Variants in CABLES1 observed in about 807,000 individuals in gnomAD.
CABLES1 encodes CDK5 and ABL1 enzyme substrate 1.
In CABLES1, 36 loss-of-function variants were observed where a neutral mutation model predicts 57.8. The ratio of observed to expected loss-of-function variants is 0.62; its 90% confidence interval spans 0.48 to 0.82. CABLES1 has a LOEUF of 0.82. CABLES1 is among the 40% of genes least tolerant of loss of function. The pLI, the probability that CABLES1 is intolerant of heterozygous loss-of-function variation, is 0.00. For missense variants in CABLES1, 767 were observed against 836.6 expected (o/e 0.92, Z 1.03); for synonymous variants, 374 against 363.0 (o/e 1.03, Z -0.35).
intron 1 of CABLES1, among the ~76,000 whole-genome samples, chr18:23,183,768 T>C (rs887947666): frequency 6.6e-6 from 1 of 152,242 alleles, no homozygotes; most frequent in Non-Finnish European, 1.5e-5. Context: ...GTCATTAAAA[T>C]ATGCAAAGAC....
rs950003328 is a variant in CABLES1 at position 23,258,967 on chromosome 18, A to C, written c.*1600A>C. Reference sequence around the variant, plus strand: ...ATTTTGCTAACAAATTTCCTTGGCCAGAATCAGTTGTAAGACAGTGATTTG... The same window carrying C: ...ATTTTGCTAACAAATTTCCTTGGCCCGAATCAGTTGTAAGACAGTGATTTG... On this transcript the variant is annotated 3_prime_UTR_variant, in exon 10 of 10. Transcript: ENST00000256925. The C allele has an allele frequency of 1.3e-5, 2 of 148,928 alleles. No homozygotes were observed. The highest frequency in any genetic ancestry group is 2.5e-5 in the African/African-American group (1 of 40,226). The allele number at this position is 148,928 out of a possible 1,614,324, so 9.2% of individuals were successfully genotyped here. A position where few individuals can be genotyped will look rare whatever the true frequency, so the allele number is the denominator to read the frequency against.
At chr18:23,255,504 C>G (rs759397641) in intron 9 of CABLES1, among the ~76,000 whole-genome samples, 2 of 151,882 alleles carry the variant, frequency 1.3e-5, no homozygotes, top group Admixed American at 6.6e-5. Context: ...CCATTGGACA[C>G]CAACTCTGAG....
At chr18:23,160,063 A>G (rs939778381) in intron 1 of CABLES1, among the ~76,000 whole-genome samples, 1 of 146,750 alleles carries the variant, frequency 6.8e-6, no homozygotes, top group Non-Finnish European at 1.5e-5. Flanking sequence ...TTTGAGATGG[A>G]GTTTCACTCT....
At chr18:23,139,419 A>AAAC (rs1162897454) in intron 1 of CABLES1, among the ~76,000 whole-genome samples, 1 of 151,864 alleles carries the variant, frequency 6.6e-6, no homozygotes, top group Non-Finnish European at 1.5e-5. Flanking sequence ...AAAAAAAAAA[A>AAAC]AAAAATTAGA....
intron 7 of CABLES1, among the ~76,000 whole-genome samples, chr18:23,251,709 G>T (rs998137035): frequency 1.3e-5 from 2 of 152,158 alleles, no homozygotes; most frequent in Non-Finnish European, 2.9e-5. Flanking sequence ...AGACTTACTG[G>T]TTACCATTAT....
At chr18:23,235,315 TG>T in intron 5 of CABLES1, among the ~76,000 whole-genome samples, 1 of 152,370 alleles carries the variant, frequency 6.6e-6, no homozygotes, top group Middle Eastern at 3.4e-3. Flanking sequence ...TGTTTGCCGA[TG>T]AGGCTGCTGG....
rs28376052 is a variant in CABLES1, at chr18:23,140,920, C to A, written c.845+4313C>A. Among the ~76,000 whole-genome samples the A allele has an allele frequency of 7.7e-3, 1,167 of 152,262 alleles. 11 individuals are homozygous for A. The highest frequency in any genetic ancestry group is 0.027 in the African/African-American group (1,126 of 41,536). On this transcript the variant is annotated intron_variant, in intron 1 of 9. Transcript: ENST00000256925. ...TTCTGGGTCTGTTTCCTCCTGAGAACCTTGGCTTGTGTCTCAGGCCCTTTC... is the reference window on the plus strand; with the variant it reads ...TTCTGGGTCTGTTTCCTCCTGAGAAACTTGGCTTGTGTCTCAGGCCCTTTC...
chr18:23,257,644 G>A lies in CABLES1; in HGVS notation c.*277G>A, dbSNP rs1031409098. 1 of 323,900 alleles carries A rather than the reference G, an allele frequency of 3.1e-6. No homozygotes were observed. Among genetic ancestry groups the A allele is most frequent in the Non-Finnish European group, 5.5e-6 (1 of 181,512 alleles). The allele number at this position is 323,900 out of a possible 1,614,324, so 20.1% of individuals were successfully genotyped here. On this transcript the variant is annotated 3_prime_UTR_variant, in exon 10 of 10. Coordinates refer to ENST00000256925, the MANE Select transcript of CABLES1 (RefSeq NM_001100619.3). ...TGTCCACTAGCGAGAATCCCTAGCT[G>A]CCCCAGCCCAGTCTTTCTCCCCGGC...
chr18:23,219,369 TG>T (rs2145061083), intron 4 of CABLES1: 1 of 453,754 alleles, frequency 2.2e-6, no homozygotes, highest in East Asian at 6.9e-5. Flanking sequence ...TGAATTCAGA[TG>T]GCAGGATCCG....
At chr18:23,170,760 G>A (rs1002993994) in intron 1 of CABLES1, among the ~76,000 whole-genome samples, 2 of 152,168 alleles carry the variant, frequency 1.3e-5, no homozygotes, top group Non-Finnish European at 2.9e-5. Flanking sequence ...TTCCCACAGT[G>A]TTGGCTGCAA....
rs189573200 is a variant in CABLES1 at position 23,188,138 on chromosome 18, G to A, written c.846-700G>A. 5.3e-5 allele frequency among the ~76,000 whole-genome samples: 8 copies of A among 152,268 alleles called. No homozygotes were observed. The East Asian group carries it at 5.8e-4, about 11-fold the overall frequency. On this transcript the variant is annotated intron_variant, in intron 1 of 9. Transcript: ENST00000256925. ...CTGCTCCCTGTACCTGATATTCTTA[G>A]TTAACTAGGACCTGTTCTTATTTCA... is the stretch of plus-strand genomic sequence containing the variant.
intron 7 of CABLES1, among the ~76,000 whole-genome samples, chr18:23,250,687 T>C (rs540828992): frequency 6.6e-6 from 1 of 152,236 alleles, no homozygotes; most frequent in South Asian, 2.1e-4. Flanking sequence ...TTGCAGGGCA[T>C]GTGGTTAGCC....
intron 1 of CABLES1, among the ~76,000 whole-genome samples, chr18:23,144,057 C>T (rs1006630083): frequency 6.6e-6 from 1 of 152,222 alleles, no homozygotes; most frequent in East Asian, 1.9e-4. Context: ...TCAGGCTTCT[C>T]CTGGGGCAAG....
intron 1 of CABLES1, among the ~76,000 whole-genome samples, chr18:23,187,448 A>G (rs4800456): frequency 0.99 from 150,613 of 152,152 alleles, 74,606 homozygotes; most frequent in Middle Eastern, 1. Context: ...GTCCAGTGGC[A>G]CGATCTCAGC....
rs1169672392 is a variant in CABLES1, at chr18:23,136,020, C to T, written c.258C>T (p.Gly86=). Residue 86 remains glycine, a synonymous_variant, in exon 1 of 10, where the codon GGC becomes GGT. Coordinates refer to ENST00000256925, the MANE Select transcript of CABLES1 (RefSeq NM_001100619.3). ...TGCCGCCGCAGGACGCGGAGTGGGG[C>T]GGTGGCGAGGAGGGCGGCGCGGCCA... ...GRLPPQDAEW[G]GGEEGGAAKP... The T allele has an allele frequency of 8.8e-7, 1 of 1,139,396 alleles. No individual in the cohort carries two copies. The highest frequency in any genetic ancestry group is 1.6e-5 in the African/African-American group (1 of 61,088). The allele number at this position is 1,139,396 out of a possible 1,614,324, so 70.6% of individuals were successfully genotyped here.
Position 23,135,934 on chromosome 18 carries a change from G to T in CABLES1, c.172G>T (p.Asp58Tyr). ...PPEPPRKPRMDPRRRQAALSF... is the reference protein window; with the variant it reads ...PPEPPRKPRMYPRRRQAALSF... ...CGAACCCCCCCGGAAGCCGCGCATG[G>T]ACCCGCGGCGCCGCCAGGCTGCCCT... is the stretch of plus-strand genomic sequence containing the variant. Residue 58 changes from aspartate to tyrosine, a missense_variant, in exon 1 of 10, where the codon GAC becomes TAC. By Grantham distance (160) the Asp-to-Tyr change is radical. Coordinates refer to ENST00000256925, the MANE Select transcript of CABLES1 (RefSeq NM_001100619.3). 1 of 1,113,188 alleles carries T rather than the reference G, an allele frequency of 9.0e-7. No individual in the cohort carries two copies. Among genetic ancestry groups the T allele is most frequent in the Non-Finnish European group, 1.1e-6 (1 of 916,242 alleles). 69.0% of individuals were successfully genotyped at this position (1,113,188 alleles called of 1,614,324 possible). A position where few individuals can be genotyped will look rare whatever the true frequency, so the allele number is the denominator to read the frequency against.
At chr18:23,217,014 C>T (rs1355587744) in intron 4 of CABLES1, among the ~76,000 whole-genome samples, 2 of 152,168 alleles carry the variant, frequency 1.3e-5, no homozygotes, top group Non-Finnish European at 2.9e-5. Flanking sequence ...GATTCAAATC[C>T]ACTATTCCTC....
chr18:23,231,555 A>C (rs2047567169), intron 4 of CABLES1, among the ~76,000 whole-genome samples: 1 of 152,178 alleles, frequency 6.6e-6, no homozygotes, highest in Non-Finnish European at 1.5e-5. Context: ...GCCAGGGGGA[A>C]GTGGTGACTG....
chr18:23,251,859 G>C (rs1340422578), intron 7 of CABLES1, among the ~76,000 whole-genome samples: 2 of 152,148 alleles, frequency 1.3e-5, no homozygotes, highest in African/African-American at 4.8e-5. Context: ...GCCGAGGCAG[G>C]CAGATCACCT....
Sources: gnomAD v4.1 joint callset for allele counts (sites outside exome capture counted in the v4.1 genomes callset) on GRCh38, gnomAD v4.1.1 for gene constraint, MANE v1.5 for transcripts, NCBI Gene and HGNC (gene_info 2026-07-23, HGNC 2026-07-21) for gene names.